Variants in DOCK1 observed in about 807,000 individuals in gnomAD.
DOCK1 encodes the protein dedicator of cytokinesis 1, also known as dedicator of cytokinesis protein 1.
DOCK1 carries 138 observed loss-of-function variants against 262.7 expected under a neutral mutation model. That is an observed-to-expected ratio of 0.53 (90% confidence interval 0.46 to 0.61). The LOEUF is 0.61. DOCK1 is among the 20% of genes least tolerant of loss of function. DOCK1 has a pLI of 0.00. For synonymous variants in DOCK1, 866 were observed against 867.4 expected (o/e 1.00, Z 0.03); for missense variants, 1,908 against 2,370.7 (o/e 0.80, Z 4.05).
intron 29 of DOCK1, among the ~76,000 whole-genome samples, chr10:127,324,092 T>C (rs2062654909): frequency 6.6e-6 from 1 of 152,146 alleles, no homozygotes; most frequent in Non-Finnish European, 1.5e-5. Flanking sequence ...GAAACAAAGA[T>C]ACTCTCAAGG....
chr10:127,142,540 C>T (rs1592194988), intron 27 of DOCK1, among the ~76,000 whole-genome samples: 1 of 152,282 alleles, frequency 6.6e-6, no homozygotes, highest in East Asian at 1.9e-4. Flanking sequence ...TGGAGCCAGG[C>T]CAGCCTTACC....
chr10:127,441,319 C>T (rs870418), intron 49 of DOCK1, among the ~76,000 whole-genome samples: 2,360 of 152,308 alleles, frequency 0.015, 51 homozygotes, highest in African/African-American at 0.054. Flanking sequence ...TGCCTCCCCA[C>T]GGCTGGCCCT....
chr10:127,084,453 C>T (rs1435103660), intron 23 of DOCK1, among the ~76,000 whole-genome samples: 1 of 152,136 alleles, frequency 6.6e-6, no homozygotes, highest in East Asian at 1.9e-4. Context: ...GGTGTCTGAG[C>T]GCTTCTTTGG....
intron 23 of DOCK1, among the ~76,000 whole-genome samples, chr10:127,093,242 C>CTTTTTTTCTTTCTTTCTTCTT (rs2047679646): frequency 2.5e-5 from 2 of 79,342 alleles, no homozygotes; most frequent in African/African-American, 1.3e-4. Context: ...TTTCTTTCTT[C>CTTTTTTTCTTTCTTTCTTCTT]TTTTTTTTTT....
At chr10:127,440,556 G>A (rs770761553) in intron 49 of DOCK1, among the ~76,000 whole-genome samples, 4 of 152,186 alleles carry the variant, frequency 2.6e-5, no homozygotes. Flanking sequence ...TCAGCCCTGG[G>A]CGTCGGCGGG....
chr10:127,373,845 A>G lies in DOCK1; in HGVS notation c.3497A>G (p.Tyr1166Cys). The G allele has an allele frequency of 6.2e-7, 1 of 1,609,716 alleles. No homozygotes were observed. Among genetic ancestry groups the G allele is most frequent in the South Asian group, 1.1e-5 (1 of 89,710 alleles). The change falls in exon 34 of 52, where the codon TAC (tyrosine) becomes TGC (cysteine). Residue 1166 changes from tyrosine (Y) to cysteine (C), a missense_variant. Physicochemically the swap from Tyr to Cys is radical, Grantham distance 194 (BLOSUM62 -2). Around this residue, in one of 9 missense-constraint regions of DOCK1, gnomAD observed 518 missense variants for 575.1 expected, o/e 0.90. Transcript: ENST00000623213. ...EVEGGRGDEQ[Y>C]KVLFDKILLE... ...GAAGGAGGCAGAGGAGACGAACAGTACAAAGTGTTATTTGATAAAATGTAA... is the reference window on the plus strand; with the variant it reads ...GAAGGAGGCAGAGGAGACGAACAGTGCAAAGTGTTATTTGATAAAATGTAA...
Position 127,050,676 on chromosome 10 carries a change from G to A in DOCK1, c.2202-2005G>A, listed in dbSNP as rs375627431. Among the ~76,000 whole-genome samples, 15 of 149,872 alleles carry A rather than the reference G, an allele frequency of 1.0e-4. No individual in the cohort carries two copies. The East Asian group carries it at 2.1e-3, about 21-fold the overall frequency. ...GCTGAGATCGTGCCACTGCACTCCC[G>A]CCTGGGCAACAGAGCAAGACTCTGT... On this transcript the variant is annotated intron_variant, in intron 21 of 51. Coordinates refer to ENST00000623213, the MANE Select transcript of DOCK1 (RefSeq NM_001290223.2).
intron 27 of DOCK1, among the ~76,000 whole-genome samples, chr10:127,210,096 A>G (rs767206152): frequency 8.5e-5 from 13 of 152,152 alleles, no homozygotes; most frequent in Admixed American, 3.9e-4. Context: ...CAAAACCCCA[A>G]TCAAGAAATA....
chr10:127,233,560 G>A (rs1225796537), intron 27 of DOCK1, among the ~76,000 whole-genome samples: 2 of 152,132 alleles, frequency 1.3e-5, no homozygotes, highest in Admixed American at 1.3e-4. Context: ...GTCTTATTAA[G>A]ATACTAATTA....
chr10:127,089,081 C>G (rs1280386864), intron 23 of DOCK1, among the ~76,000 whole-genome samples: 1 of 152,214 alleles, frequency 6.6e-6, no homozygotes, highest in African/African-American at 2.4e-5. Context: ...CCTGAGGAAG[C>G]TAGGCGGCTC....
intron 27 of DOCK1, among the ~76,000 whole-genome samples, chr10:127,198,744 C>CTTTTT (rs3083933): frequency 6.8e-6 from 1 of 146,384 alleles, no homozygotes; most frequent in African/African-American, 2.5e-5. Flanking sequence ...GGCATCGCTT[C>CTTTTT]TTTTTTTTTT....
At chr10:127,268,069 A>G (rs1029612699) in intron 29 of DOCK1, among the ~76,000 whole-genome samples, 1 of 152,148 alleles carries the variant, frequency 6.6e-6, no homozygotes, top group Non-Finnish European at 1.5e-5. Flanking sequence ...GCTGGCATTT[A>G]GTGGGTAGAA....
In DOCK1 at chr10:127,019,148, G is replaced by C. The variant is rs79044357; in HGVS notation, c.1327+313G>C. On this transcript the variant is annotated intron_variant, in intron 13 of 51. Coordinates refer to ENST00000623213, the MANE Select transcript of DOCK1 (RefSeq NM_001290223.2). Reference sequence around the variant, plus strand: ...AAAGAAGAAAGAGGTCAGAAAGGGAGCTGCCCATTGTGAAGCCCACTTAGG... The same window carrying C: ...AAAGAAGAAAGAGGTCAGAAAGGGACCTGCCCATTGTGAAGCCCACTTAGG... Among the ~76,000 whole-genome samples, 1,130 of 152,272 alleles carry C rather than the reference G, an allele frequency of 7.4e-3. 14 individuals carry two copies. The highest frequency in any genetic ancestry group is 0.026 in the African/African-American group (1,088 of 41,550).
chr10:126,999,379 A>T lies in DOCK1; in HGVS notation c.793A>T (p.Ser265Cys), dbSNP rs778059635. The T allele has an allele frequency of 6.2e-7, 1 of 1,613,580 alleles. No individual in the cohort carries two copies. The highest frequency in any genetic ancestry group is 1.1e-5 in the South Asian group (1 of 90,984). Residue 265 changes from serine (S) to cysteine (C), a missense_variant, in exon 9 of 52, where the codon AGT becomes TGT. By Grantham distance (112) the Ser-to-Cys change is moderately radical (BLOSUM62 -1). Transcript: ENST00000623213. ...TGAGAACTACCTGGTTCGCTGGTCC[A>T]GTTCAGGATTACCTAAAGACATAGA... is the stretch of plus-strand genomic sequence containing the variant. Reference protein sequence around the residue: ...ISENYLVRWSSSGLPKDIDRL... With the variant: ...ISENYLVRWSCSGLPKDIDRL...
At chr10:127,033,560 T>C (rs896709433) in intron 18 of DOCK1, among the ~76,000 whole-genome samples, 2 of 152,182 alleles carry the variant, frequency 1.3e-5, no homozygotes, top group African/African-American at 2.4e-5. Flanking sequence ...AGCTTGAAAA[T>C]CCAATTTTTT....
chr10:127,147,947 C>T (rs960018893), intron 27 of DOCK1, among the ~76,000 whole-genome samples: 3 of 144,604 alleles, frequency 2.1e-5, no homozygotes, highest in African/African-American at 7.6e-5. Flanking sequence ...AGAAGAATTG[C>T]TTCAACCCAG....
At position 127,110,332 on chromosome 10, in the gene DOCK1, C is replaced by T. The variant is rs767035081; in HGVS notation, c.2601C>T (p.His867=). Residue 867 remains histidine (H), a synonymous_variant, in exon 25 of 52, where the codon CAC becomes CAT. Transcript: ENST00000623213. The part of the protein sequence containing the change: ...QKLYCLIEIV[H]SDLFTQHDCR... ...TCTACTGCTTGATCGAAATCGTCCA[C>T]AGTGACCTCTTCACACAGCATGGTG... 1.1e-5 allele frequency: 18 copies of T among 1,613,236 alleles called. No individual in the cohort carries two copies. The highest frequency in any genetic ancestry group is 1.5e-5 in the Non-Finnish European group (18 of 1,179,588).
intron 49 of DOCK1, among the ~76,000 whole-genome samples, chr10:127,442,284 A>C (rs1440710974): frequency 6.6e-6 from 1 of 152,186 alleles, no homozygotes; most frequent in South Asian, 2.1e-4. Context: ...CAGACATTGA[A>C]GCCTATGTGC....
Position 127,176,465 on chromosome 10 carries a change from A to G in DOCK1, c.2847+48701A>G. On this transcript the variant is annotated intron_variant, in intron 27 of 51. Transcript: ENST00000623213. The surrounding 1 kb of genome is among the most constrained non-coding windows in gnomAD (Gnocchi z 4.4). ...AAATACACACTCAAGCACCGGCCGC[A>G]CAAACTTTTAGCCACCACGACGACT... 1 of 1,373,798 alleles carries G rather than the reference A, an allele frequency of 7.3e-7. No individual in the cohort carries two copies. Among genetic ancestry groups the G allele is most frequent in the South Asian group, 1.4e-5 (1 of 73,010 alleles). 85.1% of individuals were successfully genotyped at this position (1,373,798 alleles called of 1,614,324 possible). A position where few individuals can be genotyped will look rare whatever the true frequency, so the allele number is the denominator to read the frequency against.
Sources: gnomAD v4.1 joint callset for allele counts (sites outside exome capture counted in the v4.1 genomes callset) on GRCh38, gnomAD v4.1.1 for gene constraint, gnomAD v4.1.1 regional missense constraint, Gnocchi (gnomAD v3.1) non-coding constraint, MANE v1.5 for transcripts, NCBI Gene and HGNC (gene_info 2026-07-23, HGNC 2026-07-21) for gene names.